The following RALGPS2 variants were observed in gnomAD, a reference collection of about 807,000 sequenced individuals.
The protein encoded by RALGPS2 is ras-specific guanine nucleotide-releasing factor RalGPS2.
A neutral mutation model predicts 86.8 loss-of-function variants in RALGPS2; 43 were observed. The ratio of observed to expected loss-of-function variants is 0.50; its 90% confidence interval spans 0.39 to 0.64. The LOEUF (loss-of-function observed/expected upper bound fraction) is 0.64, where lower values mean the gene tolerates loss of function less well. Among genes scored for constraint, RALGPS2 ranks in the 30% least tolerant of loss-of-function variants. The probability of loss-of-function intolerance (pLI) is 0.00; values close to 1 mark genes in which losing one functional copy is unlikely to be tolerated. For synonymous variants in RALGPS2, 243 were observed against 231.3 expected, an observed-to-expected ratio of 1.05 and a Z score of -0.46; for missense variants, 536 against 694.6, an observed-to-expected ratio of 0.77 and a Z score of 2.57.
intron 8 of RALGPS2, among the ~76,000 whole-genome samples, chr1:178,844,233 T>C (rs1467555405): frequency 7.9e-5 from 12 of 152,176 alleles, no homozygotes; most frequent in African/African-American, 2.9e-4. Context: ...GGAAAGAATA[T>C]ATCCATGAAA....
chr1:178,798,009 C>T (rs1301713459), intron 4 of RALGPS2, among the ~76,000 whole-genome samples: 1 of 125,644 alleles, frequency 8.0e-6, no homozygotes, highest in African/African-American at 3.0e-5. Flanking sequence ...AAAAAAACCA[C>T]ATAGCTTAGA....
At chr1:178,772,538 T>C (rs1652859146) in intron 1 of RALGPS2, among the ~76,000 whole-genome samples, 1 of 152,206 alleles carries the variant, frequency 6.6e-6, no homozygotes, top group Non-Finnish European at 1.5e-5. Context: ...AACCTTTAAA[T>C]GCATTATTTT....
chr1:178,883,615 C>A, intron 11 of RALGPS2, 82 bp downstream of exon 11: 3 of 1,028,246 alleles, frequency 2.9e-6, no homozygotes, highest in Non-Finnish European at 4.5e-6. Context: ...TAAATAAAAA[C>A]TTAGTACATC....
chr1:178,761,506 A>G (rs928769782), intron 1 of RALGPS2, among the ~76,000 whole-genome samples: 7 of 151,808 alleles, frequency 4.6e-5, no homozygotes, highest in Admixed American at 1.3e-4. Flanking sequence ...AAGCTCTGAA[A>G]TTCTTTCTTC....
chr1:178,817,940 G>A (rs1298929212), intron 6 of RALGPS2, among the ~76,000 whole-genome samples: 2 of 152,136 alleles, frequency 1.3e-5, no homozygotes, highest in African/African-American at 4.8e-5. Flanking sequence ...AGGCAGATTT[G>A]ACTTCTTCCT....
intron 7 of RALGPS2, among the ~76,000 whole-genome samples, chr1:178,832,625 C>G (rs554385285): frequency 9.2e-5 from 14 of 151,500 alleles, no homozygotes; most frequent in Non-Finnish European, 1.5e-4. Context: ...TAAAACAACA[C>G]CAATATTTTA....
At chr1:178,902,011 T>A in intron 17 of RALGPS2, 95 bp from the exon 18 acceptor site, 1 of 862,222 alleles carries the variant, frequency 1.2e-6, no homozygotes, top group South Asian at 1.6e-5. Flanking sequence ...TCATCTTTCA[T>A]TAGGAGAAAC....
intron 10 of RALGPS2, among the ~76,000 whole-genome samples, chr1:178,880,598 G>C (rs1470516832): frequency 6.6e-6 from 1 of 152,014 alleles, no homozygotes; most frequent in Non-Finnish European, 1.5e-5. Context: ...TCTAATTACT[G>C]ACATAGAACT....
intron 9 of RALGPS2, among the ~76,000 whole-genome samples, chr1:178,878,270 T>A (rs1208350929): frequency 6.6e-6 from 1 of 152,144 alleles, no homozygotes; most frequent in Non-Finnish European, 1.5e-5. Context: ...GAAATAAAGT[T>A]AGGCTGTTAA....
At chr1:178,910,007 T>G (rs1194918735) in intron 19 of RALGPS2, among the ~76,000 whole-genome samples, 1 of 152,156 alleles carries the variant, frequency 6.6e-6, no homozygotes, top group Non-Finnish European at 1.5e-5. Context: ...CTAGATATTT[T>G]TTTCTTTTTG....
intron 8 of RALGPS2, among the ~76,000 whole-genome samples, chr1:178,854,634 G>C (rs1400993461): frequency 6.6e-6 from 1 of 152,092 alleles, no homozygotes; most frequent in Non-Finnish European, 1.5e-5. Context: ...GGTGATAGTT[G>C]ATAGATGTTC....
chr1:178,859,123 T>C (rs935924000), intron 8 of RALGPS2, among the ~76,000 whole-genome samples: 4 of 140,364 alleles, frequency 2.8e-5, no homozygotes, highest in African/African-American at 8.6e-5. Flanking sequence ...ATGTTTAAAC[T>C]GTATTTAGCA....
At chr1:178,875,703 G>T (rs148344065) in intron 8 of RALGPS2, among the ~76,000 whole-genome samples, 1 of 151,648 alleles carries the variant, frequency 6.6e-6, no homozygotes. Context: ...AGCCGAGATC[G>T]CACCACTGCA....
chr1:178,810,686 A>T (rs757333417), intron 5 of RALGPS2, among the ~76,000 whole-genome samples: 3 of 152,104 alleles, frequency 2.0e-5, no homozygotes, highest in Non-Finnish European at 4.4e-5. Flanking sequence ...AAATACATAC[A>T]TAATGACATT....
At position 178,920,822 on chromosome 1, in the gene RALGPS2, C is replaced by A. The variant is rs1272089942; in HGVS notation, c.*4463C>A. On this transcript the variant is annotated 3_prime_UTR_variant, in exon 20 of 20. Transcript: ENST00000367635. ...TGTACTGAAATCTTGTAATGAAAAT[C>A]CCTTTGGCCAGAAATGAGATTTATT... 6.6e-6 allele frequency: 1 copy of A among 151,872 alleles called. No individual in the cohort carries two copies. The highest frequency in any genetic ancestry group is 1.5e-5 in the Non-Finnish European group (1 of 67,878). 9.4% of individuals were successfully genotyped at this position (151,872 alleles called of 1,614,324 possible).
intron 1 of RALGPS2, among the ~76,000 whole-genome samples, chr1:178,749,150 CT>C (rs1407657446): frequency 2.0e-5 from 3 of 152,042 alleles, no homozygotes; most frequent in Non-Finnish European, 1.5e-5. Flanking sequence ...CAAAATTTGT[CT>C]TTTGTTTTTG....
chr1:178,885,345 T>C, intron 12 of RALGPS2, 134 bp downstream of exon 12: 1 of 861,640 alleles, frequency 1.2e-6, no homozygotes, highest in Non-Finnish European at 1.7e-6. Flanking sequence ...TCTGATTCAG[T>C]AAAATGCCTT....
intron 12 of RALGPS2, 149 bp downstream of exon 12, chr1:178,885,360 G>A (rs1659438459): frequency 1.4e-6 from 1 of 738,632 alleles, no homozygotes; most frequent in Non-Finnish European, 2.0e-6. Context: ...TGCCTTGTTT[G>A]CCTAAAAGCT....
chr1:178,894,037 CATATT>C lies in RALGPS2; in HGVS notation c.1431+19_1431+23del, dbSNP rs765073469. 4.1e-6 allele frequency: 6 copies of C among 1,462,118 alleles called. No homozygotes were observed. The South Asian group carries it at 7.0e-5, about 17-fold the overall frequency. 90.6% of individuals were successfully genotyped at this position (1,462,118 alleles called of 1,614,324 possible). On this transcript the variant is annotated intron_variant, in intron 16 of 19. Coordinates refer to ENST00000367635, the MANE Select transcript of RALGPS2 (RefSeq NM_152663.5). ...CAAAAAGCCTACAGTAAGATTTCATCATATTATATTTTAATACACCTCTAAAAATA... is the reference window on the plus strand; with the variant it reads ...CAAAAAGCCTACAGTAAGATTTCATCATATTTTAATACACCTCTAAAAATA...
Sources: allele counts gnomAD v4.1 joint callset (sites outside exome capture counted in the v4.1 genomes callset), GRCh38; gene constraint gnomAD v4.1.1; transcripts MANE v1.5; gene names NCBI Gene and HGNC (gene_info 2026-07-23, HGNC 2026-07-21).